Variants in RPS6KA6 observed in about 807,000 individuals in gnomAD.
RPS6KA6 encodes ribosomal protein S6 kinase A6.
In RPS6KA6, 27 loss-of-function variants were observed where a neutral mutation model predicts 65.4. The ratio of observed to expected loss-of-function variants is 0.41; its 90% confidence interval spans 0.30 to 0.57. The LOEUF (loss-of-function observed/expected upper bound fraction) is 0.57, where lower values mean the gene tolerates loss of function less well. Among genes scored for constraint, RPS6KA6 ranks in the 20% least tolerant of loss-of-function variants. The pLI, the probability that RPS6KA6 is intolerant of heterozygous loss-of-function variation, is 0.24. For synonymous variants in RPS6KA6, 190 were observed against 184.2 expected (o/e 1.03, Z -0.26); for missense variants, 486 against 555.6 (o/e 0.87, Z 1.26).
At position 84,156,064 on chromosome X, in the gene RPS6KA6, T is replaced by A. The variant is rs1393254659; in HGVS notation, c.258+11A>T. ...GAAGAGGAACAAATGGGGAAAAAAA[T>A]TATTCATTACCTTTCCAAATGACCC... On this transcript the variant is annotated intron_variant, in intron 3 of 21. Coordinates refer to ENST00000262752, the MANE Select transcript of RPS6KA6 (RefSeq NM_014496.5). The A allele has an allele frequency of 9.5e-7, 1 of 1,055,564 alleles. No individual in the cohort carries two copies. The highest frequency in any genetic ancestry group is 1.9e-5 in the South Asian group (1 of 51,475). The allele number at this position is 1,055,564 out of a possible 1,213,427, so 87.0% of individuals were successfully genotyped here. A position where few individuals can be genotyped will look rare whatever the true frequency, so the allele number is the denominator to read the frequency against.
chrX:84,155,050 T>TA (rs1229049695), intron 3 of RPS6KA6, among the ~76,000 whole-genome samples: 1 of 109,494 alleles, frequency 9.1e-6, no homozygotes, highest in Admixed American at 9.9e-5. Context: ...TTTTTTTTTT[T>TA]AATTAGCTGG....
At chrX:84,086,357 CTT>C (rs1453039069) in intron 20 of RPS6KA6, among the ~76,000 whole-genome samples, 64 of 111,504 alleles carry the variant, frequency 5.7e-4, no homozygotes, top group Non-Finnish European at 7.9e-4. Flanking sequence ...TACATTGTCT[CTT>C]TGTTTTCATT....
intron 6 of RPS6KA6, among the ~76,000 whole-genome samples, chrX:84,138,215 A>C (rs2035028221): frequency 8.9e-6 from 1 of 111,739 alleles, no homozygotes; most frequent in African/African-American, 3.2e-5. Flanking sequence ...AATCTATAAC[A>C]GGATATTTTT....
chrX:84,097,710 A>G (rs1456592757), intron 19 of RPS6KA6, 62 bp downstream of exon 19: 1 of 665,392 alleles, frequency 1.5e-6, no homozygotes, highest in African/African-American at 2.2e-5. Context: ...CTCTTTCTAG[A>G]TGAAGATATA....
chrX:84,137,541 T>C (rs1602447001), intron 6 of RPS6KA6, among the ~76,000 whole-genome samples: 1 of 111,487 alleles, frequency 9.0e-6, no homozygotes, highest in Admixed American at 9.6e-5. Flanking sequence ...ACGATAAAAT[T>C]ATTTTCCAAA....
chrX:84,133,435 C>T (rs1431374861), intron 8 of RPS6KA6, among the ~76,000 whole-genome samples: 5 of 111,656 alleles, frequency 4.5e-5, no homozygotes, highest in Admixed American at 3.8e-4. Flanking sequence ...CTTCCTGTTA[C>T]ATGCTTTGTG....
At position 84,146,969 on chromosome X, in the gene RPS6KA6, A is replaced by T. The variant is rs759697931; in HGVS notation, c.421+9T>A. On this transcript the variant is annotated intron_variant, in intron 5 of 21. Coordinates refer to ENST00000262752, the MANE Select transcript of RPS6KA6 (RefSeq NM_014496.5). ...AAAATAAATAAAAGAATAAAAAAAG[A>T]TTACATACCATAGTGCAATTTGACA... The T allele has an allele frequency of 3.1e-5, 31 of 1,007,877 alleles. No individual in the cohort carries two copies. In the African/African-American group the frequency reaches 5.6e-4, roughly 18 times the overall value. The allele number at this position is 1,007,877 out of a possible 1,213,427, so 83.1% of individuals were successfully genotyped here.
intron 20 of RPS6KA6, among the ~76,000 whole-genome samples, chrX:84,093,114 A>G (rs1161248570): frequency 8.9e-6 from 1 of 112,286 alleles, no homozygotes; most frequent in Non-Finnish European, 1.9e-5. Flanking sequence ...TGTCACTTAT[A>G]TGTGGAATCT....
At chrX:84,124,039 C>T (rs975064797) in intron 8 of RPS6KA6, among the ~76,000 whole-genome samples, 1 of 110,988 alleles carries the variant, frequency 9.0e-6, no homozygotes. Context: ...GAATGAGGTT[C>T]TCTGACTGGT....
At chrX:84,069,319 T>G (rs187960345) in intron 20 of RPS6KA6, among the ~76,000 whole-genome samples, 1 of 111,751 alleles carries the variant, frequency 8.9e-6, no homozygotes, top group Non-Finnish European at 1.9e-5. Flanking sequence ...GGGGAAAGGA[T>G]CCCCTATTTA....
In RPS6KA6 at chrX:84,146,094, G is replaced by T. The variant is rs191051235; in HGVS notation, c.422-537C>A. Among the ~76,000 whole-genome samples, 146 of 110,959 alleles carry T rather than the reference G, an allele frequency of 1.3e-3. 1 individual carries two copies. The highest frequency in any genetic ancestry group is 1.9e-3 in the Non-Finnish European group (98 of 52,824). On this transcript the variant is annotated intron_variant, in intron 5 of 21. Transcript: ENST00000262752. ...TCTCTATAGGTTATAAATTTCTTGA[G>T]GTCAAAAAGTGTTTCACTTCTATAG...
intron 20 of RPS6KA6, among the ~76,000 whole-genome samples, chrX:84,072,674 T>C (rs2033571608): frequency 8.9e-6 from 1 of 111,839 alleles, no homozygotes; most frequent in Non-Finnish European, 1.9e-5. Context: ...CAAAAATTGT[T>C]AGAATAAACA....
chrX:84,136,290 C>T (rs2147517524), intron 6 of RPS6KA6, among the ~76,000 whole-genome samples: 1 of 111,471 alleles, frequency 9.0e-6, no homozygotes, highest in African/African-American at 3.2e-5. Context: ...GCATAAAGTA[C>T]ATGTCATAAT....
intron 12 of RPS6KA6, among the ~76,000 whole-genome samples, chrX:84,114,527 T>C (rs1401445013): frequency 9.1e-6 from 1 of 110,161 alleles, no homozygotes; most frequent in Non-Finnish European, 1.9e-5. Context: ...AAAAAAAACA[T>C]ACTGACCAAA....
intron 21 of RPS6KA6, 104 bp downstream of exon 21, chrX:84,064,867 A>G (rs1488639574): frequency 1.4e-5 from 8 of 592,003 alleles, no homozygotes; most frequent in Non-Finnish European, 1.8e-5. Context: ...TTTAAAAAAT[A>G]AAGATATTTT....
chrX:84,136,925 T>C lies in RPS6KA6; in HGVS notation c.502-1715A>G, dbSNP rs190906199. 2.7e-5 allele frequency among the ~76,000 whole-genome samples: 3 copies of C among 111,851 alleles called. No homozygotes were observed. In the East Asian group the frequency reaches 8.5e-4, roughly 32 times the overall value. On this transcript the variant is annotated intron_variant, in intron 6 of 21. Coordinates refer to ENST00000262752, the MANE Select transcript of RPS6KA6 (RefSeq NM_014496.5). ...GCCCAAGACATGAACTCAGGGATAC[T>C]TGTCCATAAGAATGAACTCTTTCCC...
intron 20 of RPS6KA6, among the ~76,000 whole-genome samples, chrX:84,093,342 A>G (rs2034086465): frequency 8.9e-6 from 1 of 112,443 alleles, no homozygotes; most frequent in African/African-American, 3.2e-5. Flanking sequence ...GGGAAACTGA[A>G]CAAGTTTACT....
chrX:84,106,743 T>A (rs1046404968), intron 14 of RPS6KA6, among the ~76,000 whole-genome samples, 167 bp downstream of exon 14: 1 of 111,669 alleles, frequency 9.0e-6, no homozygotes, highest in Non-Finnish European at 1.9e-5. Flanking sequence ...AAGTTACCAC[T>A]GTCTGCTCTT....
chrX:84,101,927 A>C (rs1569384670), intron 18 of RPS6KA6, 110 bp downstream of exon 18: 2 of 610,611 alleles, frequency 3.3e-6, no homozygotes, highest in Non-Finnish European at 2.4e-6. Context: ...TAAAACTGAA[A>C]AGGGCAAGGT....
Sources: allele counts gnomAD v4.1 joint callset (sites outside exome capture counted in the v4.1 genomes callset), GRCh38; gene constraint gnomAD v4.1.1; transcripts MANE v1.5; gene names NCBI Gene and HGNC (gene_info 2026-07-23, HGNC 2026-07-21).